Variants in PCDHGB2 observed in about 807,000 individuals in gnomAD.
PCDHGB2 encodes protocadherin gamma-B2.
Under a neutral mutation model 59.3 loss-of-function variants are expected in PCDHGB2, and 55 were observed. That is an observed-to-expected ratio of 0.93 (90% CI 0.75 to 1.16). PCDHGB2 has a LOEUF of 1.16. PCDHGB2 is among the 50% of genes most tolerant of loss of function. The pLI is 0.00. For synonymous variants in PCDHGB2, 516 were observed against 512.0 expected (o/e 1.01, Z -0.11); for missense variants, 1,228 against 1,198.5 (o/e 1.02, Z -0.36).
chr5:141,416,718 G>T lies in PCDHGB2; in HGVS notation c.2421+54162G>T, dbSNP rs1202204760. The T allele has an allele frequency of 5.9e-5, 9 of 152,308 alleles. No homozygotes were observed. In the East Asian group the frequency reaches 1.5e-3, roughly 26 times the overall value. The allele number at this position is 152,308 out of a possible 1,614,324, so 9.4% of individuals were successfully genotyped here. On this transcript the variant is annotated intron_variant, in intron 1 of 3. Transcript: ENST00000522605. ...AAAGGATCATTGGAGGTACTGATGAGTTCATTTAGTTCAATGAAAATAGTG... is the reference window on the plus strand; with the variant it reads ...AAAGGATCATTGGAGGTACTGATGATTTCATTTAGTTCAATGAAAATAGTG...
chr5:141,434,178 G>C (rs960680568), intron 1 of PCDHGB2, among the ~76,000 whole-genome samples: 1 of 152,178 alleles, frequency 6.6e-6, no homozygotes, highest in African/African-American at 2.4e-5. Flanking sequence ...TTATATCCAA[G>C]ATTTGTAATT....
chr5:141,399,643 C>T, intron 1 of PCDHGB2: 1 of 1,613,832 alleles, frequency 6.2e-7, no homozygotes, highest in Non-Finnish European at 8.5e-7. Context: ...CATGAGCGCG[C>T]AAAGTGGGGT....
At chr5:141,388,291 A>G (rs571418912) in intron 1 of PCDHGB2, 114 of 1,613,582 alleles carry the variant, frequency 7.1e-5, no homozygotes, top group Non-Finnish European at 2.5e-6. Context: ...TTCACGCAAA[A>G]TTCCTTTGAG....
At chr5:141,418,337 C>G (rs1308299122) in intron 1 of PCDHGB2, 1 of 1,613,972 alleles carries the variant, frequency 6.2e-7, no homozygotes, top group East Asian at 2.2e-5. Context: ...TGCAGAAGAT[C>G]CTGATATTAG....
At chr5:141,410,527 C>T (rs1398639610) in intron 1 of PCDHGB2, 1 of 1,613,920 alleles carries the variant, frequency 6.2e-7, no homozygotes, top group East Asian at 2.2e-5. Context: ...CCCTACATTC[C>T]AATGAAGACA....
intron 1 of PCDHGB2, chr5:141,371,032 C>G (rs547337082): frequency 6.2e-7 from 1 of 1,614,002 alleles, no homozygotes; most frequent in South Asian, 1.1e-5. Context: ...CTGGTCCTCA[C>G]AGCTGTGGAT....
intron 1 of PCDHGB2, among the ~76,000 whole-genome samples, chr5:141,469,414 A>C (rs1455286338): frequency 1.3e-5 from 2 of 152,118 alleles, no homozygotes; most frequent in Non-Finnish European, 2.9e-5. Flanking sequence ...GTTTCTACTA[A>C]AAATATAAAA....
intron 1 of PCDHGB2, chr5:141,383,745 G>A: frequency 6.2e-7 from 1 of 1,613,954 alleles, no homozygotes; most frequent in Non-Finnish European, 8.5e-7. Context: ...ATTCTTTTCG[G>A]AAAATAACTC....
At chr5:141,429,796 A>C (rs2097245618) in intron 1 of PCDHGB2, among the ~76,000 whole-genome samples, 1 of 152,216 alleles carries the variant, frequency 6.6e-6, no homozygotes, top group Non-Finnish European at 1.5e-5. Flanking sequence ...ATTACCAGTA[A>C]TTCTCAGTAA....
chr5:141,384,461 A>G, intron 1 of PCDHGB2: 1 of 1,614,078 alleles, frequency 6.2e-7, no homozygotes, highest in Non-Finnish European at 8.5e-7. Flanking sequence ...CAATCCTTTG[A>G]TTATGAGCAG....
intron 1 of PCDHGB2, among the ~76,000 whole-genome samples, chr5:141,438,764 C>A (rs963627140): frequency 6.7e-6 from 1 of 148,638 alleles, no homozygotes; most frequent in Non-Finnish European, 1.5e-5. Flanking sequence ...TGGGTTCAAG[C>A]GATTCTCCTG....
intron 2 of PCDHGB2, among the ~76,000 whole-genome samples, chr5:141,504,039 AC>A (rs1396515708): frequency 6.6e-6 from 1 of 152,184 alleles, no homozygotes; most frequent in African/African-American, 2.4e-5. Context: ...CATTTAGGCA[AC>A]AAATATTTAT....
chr5:141,419,084 GC>G (rs1218012099), intron 1 of PCDHGB2: 1 of 1,613,802 alleles, frequency 6.2e-7, no homozygotes, highest in African/African-American at 1.3e-5. Flanking sequence ...AACAGATGAG[GC>G]CCTGGATCGG....
At chr5:141,364,475 GC>G in intron 1 of PCDHGB2, 1 of 1,614,016 alleles carries the variant, frequency 6.2e-7, no homozygotes, top group Non-Finnish European at 8.5e-7. Context: ...CGGCAACATA[GC>G]CAAGGACCTT....
At chr5:141,438,633 TATACACACAC>T (rs1369232099) in intron 1 of PCDHGB2, among the ~76,000 whole-genome samples, 454 of 33,892 alleles carry the variant, frequency 0.013, 1 homozygote, top group Non-Finnish European at 0.019. Flanking sequence ...TATATATATA[TATACACACAC>T]ACACACACAT....
intron 1 of PCDHGB2, chr5:141,418,301 C>T: frequency 6.2e-7 from 1 of 1,613,980 alleles, no homozygotes; most frequent in South Asian, 1.1e-5. Context: ...ATCCGTCAGC[C>T]TGGGGATGGG....
chr5:141,421,163 G>C, intron 1 of PCDHGB2: 2 of 1,276,926 alleles, frequency 1.6e-6, no homozygotes, highest in Non-Finnish European at 2.1e-6. Flanking sequence ...GGACTTCATA[G>C]ATACATAAGC....
At chr5:141,438,996 A>G (rs2098080427) in intron 1 of PCDHGB2, among the ~76,000 whole-genome samples, 1 of 151,634 alleles carries the variant, frequency 6.6e-6, no homozygotes, top group African/African-American at 2.4e-5. Flanking sequence ...AAGGCTAAGG[A>G]CCTGGTTTGT....
At chr5:141,389,243 T>C (rs370534911) in intron 1 of PCDHGB2, 4 of 1,614,056 alleles carry the variant, frequency 2.5e-6, no homozygotes, top group Non-Finnish European at 3.4e-6. Flanking sequence ...TCTCACAGTC[T>C]TCCTATATAG....
Sources: gnomAD v4.1 joint callset for allele counts (sites outside exome capture counted in the v4.1 genomes callset) on GRCh38, gnomAD v4.1.1 for gene constraint, MANE v1.5 for transcripts, NCBI Gene and HGNC (gene_info 2026-07-23, HGNC 2026-07-21) for gene names.